IQSEC1: variants seen among roughly 807,000 people sequenced by gnomAD.
IQSEC1 encodes the protein IQ motif and SEC7 domain-containing protein 1.
A neutral mutation model predicts 91.0 loss-of-function variants in IQSEC1; 31 were observed. The ratio of observed to expected loss-of-function variants is 0.34; its 90% CI spans 0.26 to 0.46. The LOEUF (loss-of-function observed/expected upper bound fraction) is 0.46. Ranked by LOEUF, IQSEC1 falls within the 20% of genes least tolerant of loss-of-function variation. The probability of loss-of-function intolerance (pLI) is 1.00; values close to 1 mark genes in which losing one functional copy is unlikely to be tolerated. For synonymous variants in IQSEC1, 699 were observed against 662.6 expected (o/e 1.05, Z -0.84); for missense variants, 1,388 against 1,575.6 (o/e 0.88, Z 2.02).
At chr3:13,041,243 C>T (rs1395251165) in intron 1 of IQSEC1, among the ~76,000 whole-genome samples, 2 of 152,010 alleles carry the variant, frequency 1.3e-5, no homozygotes, top group South Asian at 2.1e-4. Flanking sequence ...TGAAAGGCTG[C>T]ACCACAGCGC....
intron 2 of IQSEC1, among the ~76,000 whole-genome samples, chr3:13,087,977 G>A (rs914817099): frequency 3.3e-5 from 5 of 152,120 alleles, no homozygotes; most frequent in Non-Finnish European, 7.4e-5. Context: ...AACCCTCACC[G>A]CTGCTGCCCT....
At chr3:13,264,974 C>T (rs1695463271) in intron 1 of IQSEC1, among the ~76,000 whole-genome samples, 1 of 152,164 alleles carries the variant, frequency 6.6e-6, no homozygotes, top group Non-Finnish European at 1.5e-5. Context: ...GCCTCTCTTT[C>T]TCTCAGCAGC....
At chr3:13,021,953 C>G in intron 1 of IQSEC1, 1 of 995,798 alleles carries the variant, frequency 1.0e-6, no homozygotes, top group African/African-American at 1.7e-5. Flanking sequence ...CAGCTCCTTC[C>G]TGGACCCTGT....
intron 1 of IQSEC1, among the ~76,000 whole-genome samples, chr3:13,000,323 C>T (rs115580435): frequency 0.02 from 3,076 of 152,224 alleles, 107 homozygotes; most frequent in African/African-American, 0.069. Flanking sequence ...GCTCATGTCT[C>T]TTTGTATATT....
At chr3:13,038,111 G>A (rs1306889815) in intron 1 of IQSEC1, among the ~76,000 whole-genome samples, 1 of 150,636 alleles carries the variant, frequency 6.6e-6, no homozygotes. Flanking sequence ...TTTTAGCAAC[G>A]CTGTAAAAAT....
chr3:13,000,053 T>C (rs191689949), intron 1 of IQSEC1, among the ~76,000 whole-genome samples: 20 of 152,354 alleles, frequency 1.3e-4, no homozygotes, highest in Admixed American at 7.8e-4. Context: ...AAGCACACTG[T>C]ACTATTTCAT....
intron 2 of IQSEC1, among the ~76,000 whole-genome samples, chr3:13,139,946 G>A (rs914452291): frequency 2.0e-5 from 3 of 152,148 alleles, no homozygotes; most frequent in Non-Finnish European, 4.4e-5. Context: ...CTTTGCACTT[G>A]CAAACACATA....
intron 1 of IQSEC1, among the ~76,000 whole-genome samples, chr3:12,982,053 G>A (rs767524077): frequency 3.3e-5 from 5 of 152,244 alleles, no homozygotes; most frequent in African/African-American, 4.8e-5. Flanking sequence ...TGGATGCACT[G>A]CCACATGGGG....
intron 1 of IQSEC1, among the ~76,000 whole-genome samples, chr3:13,203,238 C>T (rs1210185941): frequency 6.6e-6 from 1 of 152,162 alleles, no homozygotes; most frequent in African/African-American, 2.4e-5. Flanking sequence ...TGCACACACA[C>T]ACAACTCACC....
intron 1 of IQSEC1, among the ~76,000 whole-genome samples, chr3:13,021,363 C>T (rs1703391735): frequency 1.3e-5 from 2 of 152,240 alleles, no homozygotes; most frequent in South Asian, 2.1e-4. Context: ...ACCCCCACCA[C>T]CCCCCACAGC....
chr3:12,997,361 C>A (rs184367810), intron 1 of IQSEC1, among the ~76,000 whole-genome samples: 2 of 152,282 alleles, frequency 1.3e-5, no homozygotes, highest in Admixed American at 1.3e-4. Context: ...ATATGTGAGG[C>A]GCTTTTACTT....
chr3:13,066,425 G>A (rs1252935644), intron 1 of IQSEC1, among the ~76,000 whole-genome samples: 3 of 152,370 alleles, frequency 2.0e-5, no homozygotes, highest in East Asian at 1.9e-4. Context: ...CTCGCCACGC[G>A]CCATGCGGGA....
In IQSEC1 at chr3:12,897,923, T is replaced by C. The variant is rs1486589671; in HGVS notation, c.*3060A>G. On this transcript the variant is annotated 3_prime_UTR_variant, in exon 14 of 14. Transcript: ENST00000613206. ...TATTTTTACATTGTTGTACAATTCATTGGTAAACTTAAAAAAATACAAATA... is the reference window on the plus strand; with the variant it reads ...TATTTTTACATTGTTGTACAATTCACTGGTAAACTTAAAAAAATACAAATA... 3 of 152,260 alleles carry C rather than the reference T, an allele frequency of 2.0e-5. No individual in the cohort carries two copies. Among genetic ancestry groups the C allele is most frequent in the Non-Finnish European group, 4.4e-5 (3 of 68,050 alleles). The allele number at this position is 152,260 out of a possible 1,614,324, so 9.4% of individuals were successfully genotyped here. A position where few individuals can be genotyped will look rare whatever the true frequency, so the allele number is the denominator to read the frequency against.
intron 1 of IQSEC1, among the ~76,000 whole-genome samples, chr3:13,002,424 G>A (rs945577783): frequency 2.0e-5 from 3 of 152,026 alleles, no homozygotes; most frequent in African/African-American, 7.2e-5. Flanking sequence ...GCTCATGCCT[G>A]TAATCTCAGC....
At chr3:13,179,768 C>T (rs986084823) in intron 1 of IQSEC1, among the ~76,000 whole-genome samples, 21 of 152,330 alleles carry the variant, frequency 1.4e-4, no homozygotes, top group African/African-American at 4.1e-4. Context: ...GAGGTGCGGG[C>T]GGGAACCGGG....
chr3:12,915,837 G>C, intron 6 of IQSEC1, 104 bp from the exon 7 acceptor site: 1 of 1,307,750 alleles, frequency 7.6e-7, no homozygotes, highest in Non-Finnish European at 1.1e-6. Context: ...AGACCCAACA[G>C]AACCAAAGAA....
intron 1 of IQSEC1, among the ~76,000 whole-genome samples, chr3:13,243,966 TA>T (rs1427190230): frequency 3.3e-5 from 5 of 152,210 alleles, no homozygotes; most frequent in Non-Finnish European, 5.9e-5. Flanking sequence ...CAAAAGCAGT[TA>T]GGAAGCTCGA....
At chr3:13,077,274 C>T (rs145402471), upstream of IQSEC1, among the ~76,000 whole-genome samples, 1 of 152,068 alleles carries the variant, frequency 6.6e-6, no homozygotes, top group South Asian at 2.1e-4. Flanking sequence ...TACCCCTGAC[C>T]CACTACAAGA....
intron 1 of IQSEC1, among the ~76,000 whole-genome samples, chr3:13,175,950 T>TA (rs1378913943): frequency 3.3e-5 from 5 of 152,204 alleles, no homozygotes; most frequent in Non-Finnish European, 5.9e-5. Flanking sequence ...GCTTGCAATT[T>TA]ACGAATGCTG....
Sources: allele counts gnomAD v4.1 joint callset (sites outside exome capture counted in the v4.1 genomes callset), GRCh38; gene constraint gnomAD v4.1.1; transcripts MANE v1.5; gene names NCBI Gene and HGNC (gene_info 2026-07-23, HGNC 2026-07-21).